ITPR2: variants seen among roughly 807,000 people sequenced by gnomAD.
The protein encoded by ITPR2 is inositol 1,4,5-trisphosphate receptor type 2, also known as inositol 1,4,5-trisphosphate-gated calcium channel ITPR2.
A neutral mutation model predicts 317.1 loss-of-function variants in ITPR2; 207 were observed. That is an observed-to-expected ratio of 0.65 (90% confidence interval 0.58 to 0.73). The LOEUF (loss-of-function observed/expected upper bound fraction) is 0.73, where lower values mean the gene tolerates loss of function less well. Among genes scored for constraint, ITPR2 ranks in the 30% least tolerant of loss-of-function variants. The pLI, the probability that ITPR2 is intolerant of heterozygous loss-of-function variation, is 0.00. For synonymous variants in ITPR2, 1,156 were observed against 1,149.1 expected, an observed-to-expected ratio of 1.01 and a Z score of -0.12; for missense variants, 2,613 against 3,284.0, an observed-to-expected ratio of 0.80 and a Z score of 4.99.
intron 37 of ITPR2, among the ~76,000 whole-genome samples, chr12:26,523,780 A>C (rs996426656): frequency 1.3e-5 from 2 of 152,252 alleles, no homozygotes; most frequent in South Asian, 4.1e-4. Context: ...TATCTCATGC[A>C]GACTCACGGA....
intron 28 of ITPR2, among the ~76,000 whole-genome samples, chr12:26,601,612 C>A (rs1945999214): frequency 6.6e-6 from 1 of 152,092 alleles, no homozygotes; most frequent in Non-Finnish European, 1.5e-5. Context: ...CCCTTTATAA[C>A]CTATTGAATA....
intron 39 of ITPR2, among the ~76,000 whole-genome samples, chr12:26,492,650 G>A (rs1414493077): frequency 6.6e-6 from 1 of 152,134 alleles, no homozygotes; most frequent in Non-Finnish European, 1.5e-5. Context: ...TGAAATAGTG[G>A]AATCTAAAAA....
rs1232930535 is a variant in ITPR2 at position 26,359,848 on chromosome 12, T to A, written c.7858-19520A>T. On this transcript the variant is annotated intron_variant, in intron 55 of 56. Transcript: ENST00000381340. ...AAACCTTCCCATGTCAATTGCAATT[T>A]GGGAGTTTCCATCCACTCTGCCCCA... Among the ~76,000 whole-genome samples, 9 of 152,242 alleles carry A rather than the reference T, an allele frequency of 5.9e-5. No homozygotes were observed. In the East Asian group the frequency reaches 1.7e-3, roughly 29 times the overall value.
intron 32 of ITPR2, among the ~76,000 whole-genome samples, chr12:26,585,944 A>C (rs1322575893): frequency 6.6e-6 from 1 of 152,166 alleles, no homozygotes; most frequent in Non-Finnish European, 1.5e-5. Context: ...GTTATTTTAA[A>C]AATTATTAAT....
intron 37 of ITPR2, among the ~76,000 whole-genome samples, chr12:26,548,912 A>T (rs892685045): frequency 6.6e-6 from 1 of 152,136 alleles, no homozygotes; most frequent in African/African-American, 2.4e-5. Flanking sequence ...ATTTAACCTG[A>T]TTTCTTTCCG....
intron 37 of ITPR2, among the ~76,000 whole-genome samples, chr12:26,502,220 T>C (rs1591835348): frequency 2.0e-5 from 3 of 152,202 alleles, no homozygotes; most frequent in African/African-American, 7.2e-5. Flanking sequence ...CCATTTTAAA[T>C]ACAGGGTTTG....
At chr12:26,347,869 T>C (rs758779740) in intron 55 of ITPR2, among the ~76,000 whole-genome samples, 8 of 152,234 alleles carry the variant, frequency 5.3e-5, no homozygotes, top group African/African-American at 9.6e-5. Flanking sequence ...TTTTGTAGAA[T>C]GCTCTGAAAC....
chr12:26,339,176 G>C lies in ITPR2; in HGVS notation c.*221C>G, dbSNP rs1201686896. ...TTTCTTCCTGATGCATTGCGAATGT[G>C]TGATGTACGCTTTCTAGCAGATGCA... On this transcript the variant is annotated 3_prime_UTR_variant, in exon 57 of 57. Transcript: ENST00000381340. 2.0e-6 allele frequency: 1 copy of C among 503,754 alleles called. No homozygotes were observed. The highest frequency in any genetic ancestry group is 3.6e-6 in the Non-Finnish European group (1 of 280,586). The allele number at this position is 503,754 out of a possible 1,614,324, so 31.2% of individuals were successfully genotyped here.
At chr12:26,656,169 T>G in intron 19 of ITPR2, 128 bp downstream of exon 19, 1 of 1,208,078 alleles carries the variant, frequency 8.3e-7, no homozygotes, top group Non-Finnish European at 1.2e-6. Flanking sequence ...TATTTGCATT[T>G]AGAAGATTAA....
At chr12:26,361,278 T>TTATC (rs1938821451) in intron 55 of ITPR2, among the ~76,000 whole-genome samples, 1 of 151,844 alleles carries the variant, frequency 6.6e-6, no homozygotes, top group African/African-American at 2.4e-5. Context: ...TTGAATTATG[T>TTATC]TATCTATTGA....
At chr12:26,798,416 A>C (rs377108881) in intron 1 of ITPR2, among the ~76,000 whole-genome samples, 1 of 152,162 alleles carries the variant, frequency 6.6e-6, no homozygotes, top group African/African-American at 2.4e-5. Flanking sequence ...ATGTATCATA[A>C]TTTATACACT....
chr12:26,405,775 T>C (rs1189169619), intron 52 of ITPR2, among the ~76,000 whole-genome samples: 1 of 152,194 alleles, frequency 6.6e-6, no homozygotes, highest in Non-Finnish European at 1.5e-5. Flanking sequence ...CTGGCCAACA[T>C]GGTGAAACAC....
intron 34 of ITPR2, among the ~76,000 whole-genome samples, chr12:26,568,217 A>G (rs1300100358): frequency 6.6e-6 from 1 of 151,192 alleles, no homozygotes; most frequent in Non-Finnish European, 1.5e-5. Flanking sequence ...ATTTTTTAAA[A>G]TACTTGTTCC....
chr12:26,713,451 T>C (rs561615724), intron 8 of ITPR2, among the ~76,000 whole-genome samples: 1 of 152,150 alleles, frequency 6.6e-6, no homozygotes, highest in Non-Finnish European at 1.5e-5. Flanking sequence ...ACATTTTACA[T>C]CAAGTTATAT....
chr12:26,721,868 G>A (rs923279339), intron 5 of ITPR2, among the ~76,000 whole-genome samples: 1 of 152,054 alleles, frequency 6.6e-6, no homozygotes, highest in Non-Finnish European at 1.5e-5. Flanking sequence ...TCCTGCCTCA[G>A]TGCCCCAACT....
In ITPR2 at chr12:26,622,318, C is replaced by G. The variant is rs545624357; in HGVS notation, c.3210G>C (p.Pro1070=). ...VLIHLIMHDY[P]PLLSGALQLL... ...GCTGCAGGGCTCCAGACAGCAAAGG[C>G]GGGTAGTCGTGCATGATCAGATGAA... Residue 1070 remains proline (P), a synonymous_variant, in exon 25 of 57, where the codon CCG becomes CCC. Transcript: ENST00000381340. 2.5e-6 allele frequency: 4 copies of G among 1,613,960 alleles called. No homozygotes were observed. The South Asian group carries it at 4.4e-5, about 18-fold the overall frequency.
chr12:26,590,414 A>C (rs1945669336), intron 32 of ITPR2, among the ~76,000 whole-genome samples: 1 of 152,210 alleles, frequency 6.6e-6, no homozygotes, highest in South Asian at 2.1e-4. Flanking sequence ...GTTCTGGCAT[A>C]AAAAGACACA....
intron 35 of ITPR2, among the ~76,000 whole-genome samples, chr12:26,556,896 T>C (rs1944679143): frequency 6.6e-6 from 1 of 151,836 alleles, no homozygotes; most frequent in Admixed American, 6.6e-5. Flanking sequence ...CTGGTCAACA[T>C]GGTGAAACCA....
chr12:26,629,023 C>A (rs1037190755), intron 22 of ITPR2, among the ~76,000 whole-genome samples: 1 of 152,132 alleles, frequency 6.6e-6, no homozygotes, highest in Non-Finnish European at 1.5e-5. Context: ...ATTAATGGTG[C>A]CCCTACATTC....
Sources: gnomAD v4.1 joint callset for allele counts (sites outside exome capture counted in the v4.1 genomes callset) on GRCh38, gnomAD v4.1.1 for gene constraint, MANE v1.5 for transcripts, NCBI Gene and HGNC (gene_info 2026-07-23, HGNC 2026-07-21) for gene names.